AHNAK2: variants seen among roughly 807,000 people sequenced by gnomAD.
AHNAK2 encodes AHNAK nucleoprotein 2, also known as protein AHNAK2.
A neutral mutation model predicts 30.7 loss-of-function variants in AHNAK2; 18 were observed. The observed-to-expected ratio is 0.59, with a 90% CI of 0.41 to 0.87. AHNAK2 has a LOEUF of 0.87. AHNAK2 is among the 40% of genes least tolerant of loss of function. The pLI is 0.00. For synonymous variants in AHNAK2, 3,590 were observed against 3,073.8 expected (o/e 1.17, Z -5.56); for missense variants, 8,604 against 7,373.0 (o/e 1.17, Z -6.11).
rs543484288 is a variant in AHNAK2, at chr14:104,952,039, C to G, written c.3412G>C (p.Ala1138Pro). The G allele has an allele frequency of 2.3e-5, 37 of 1,612,730 alleles. No homozygotes were observed. The South Asian group carries it at 4.1e-4, about 18-fold the overall frequency. ...TCCAGCCGCGCACTGTCCAGCTTGG[C>G]TCCCGGGGCCTCGACGTCCACCTCC... ...SVEVDVEAPG[A>P]KLDSARLEGE... is the part of the protein sequence containing the mutation. The change falls in exon 7 of 7, where the codon GCC (alanine) becomes CCC (proline). Residue 1138 changes from alanine to proline, a missense_variant. By Grantham distance (27) the Ala-to-Pro change is conservative. Transcript: ENST00000333244.
rs757932551 is a variant in AHNAK2, at chr14:104,951,082, G to C, written c.4369C>G (p.Pro1457Ala). 1.9e-6 allele frequency: 2 copies of C among 1,063,172 alleles called. 1 individual carries two copies. The highest frequency in any genetic ancestry group is 3.2e-5 in the South Asian group (2 of 62,280). The allele number at this position is 1,063,172 out of a possible 1,614,324, so 65.9% of individuals were successfully genotyped here. The change falls in exon 7 of 7, where the codon CCC becomes GCC. Residue 1457 changes from proline (P) to alanine (A), a missense_variant. Pro to Ala is a conservative substitution (Grantham distance 27). Coordinates refer to ENST00000333244, the MANE Select transcript of AHNAK2 (RefSeq NM_138420.4). Reference sequence around the variant, plus strand: ...GCCTCGACATCCACCTCCACGCTGGGCAGAGAAACCTCCACATCAGGGGCT... The same window carrying C: ...GCCTCGACATCCACCTCCACGCTGGCCAGAGAAACCTCCACATCAGGGGCT... ...VTAPDVEVSL[P>A]SVEVDVEAPG... is the part of the protein sequence containing the mutation.
intron 1 of AHNAK2, among the ~76,000 whole-genome samples, chr14:104,969,809 G>A (rs1036415548): frequency 6.6e-6 from 1 of 152,156 alleles, no homozygotes; most frequent in African/African-American, 2.4e-5. Context: ...CATCCCAGGC[G>A]GGCTAGCCTG....
Position 104,949,984 on chromosome 14 carries a change from A to T in AHNAK2, c.5467T>A (p.Phe1823Ile). 2 of 1,587,358 alleles carry T rather than the reference A, an allele frequency of 1.3e-6. No individual in the cohort carries two copies. ...GGCATCTTGAACTTGGGCATTTTGA[A>T]CTTGCTGTCTTTGGCAGTCACATCC... ...DKDVTAKDSK[F>I]KMPKFKMPSF... Residue 1823 changes from phenylalanine to isoleucine, a missense_variant, in exon 7 of 7, where the codon TTC becomes ATC. Transcript: ENST00000333244.
chr14:104,955,164 C>T, intron 5 of AHNAK2, 23 bp from the exon 6 acceptor site: 1 of 1,588,386 alleles, frequency 6.3e-7, no homozygotes, highest in East Asian at 2.2e-5. Context: ...AGAGCAGCCC[C>T]AGGGCCGGGT....
Position 104,942,086 on chromosome 14 carries a change from G to A in AHNAK2, c.13365C>T (p.Asp4455=), listed in dbSNP as rs763624272. Residue 4455 remains aspartate (D), a synonymous_variant, in exon 7 of 7, where the codon GAC becomes GAT. Transcript: ENST00000333244. ...LEGDLSLADK[D]VTAKDSKFKM... Reference sequence around the variant, plus strand: ...TGAACTTGCTGTCTTTGGCAGTCACGTCCTTGTCAGCCAGGGACAGGTCCC... The same window carrying A: ...TGAACTTGCTGTCTTTGGCAGTCACATCCTTGTCAGCCAGGGACAGGTCCC... The A allele has an allele frequency of 1.1e-4, 183 of 1,608,866 alleles. No individual in the cohort carries two copies. Among genetic ancestry groups the A allele is most frequent in the Middle Eastern group, 3.3e-4 (2 of 6,038 alleles).
At position 104,950,996 on chromosome 14, in the gene AHNAK2, G is replaced by C. The variant is rs78572443; in HGVS notation, c.4455C>G (p.Asp1485Glu). The C allele has an allele frequency of 2.0e-4, 217 of 1,061,894 alleles. 24 individuals carry two copies. In the African/African-American group the frequency reaches 2.6e-3, roughly 13 times the overall value. The allele number at this position is 1,061,894 out of a possible 1,614,324, so 65.8% of individuals were successfully genotyped here. A position where few individuals can be genotyped will look rare whatever the true frequency, so the allele number is the denominator to read the frequency against. The change falls in exon 7 of 7, where the codon GAC (aspartate) becomes GAG (glutamate). Residue 1485 changes from aspartate to glutamate, a missense_variant. Transcript: ENST00000333244. ...TGAACTTGCTGTCTTTGGTAGTCAA[G>C]TCCTTGTCGGCCAGGGACATGTCCT... ...LEEDMSLADK[D>E]LTTKDSKFKM...
In AHNAK2 at chr14:104,940,412, C is replaced by T; in HGVS notation, c.15039G>A (p.Lys5013=). 6.2e-7 allele frequency: 1 copy of T among 1,613,892 alleles called. No individual in the cohort carries two copies. Among genetic ancestry groups the T allele is most frequent in the African/African-American group, 1.3e-5 (1 of 75,042 alleles). Residue 5013 remains lysine, a synonymous_variant, in exon 7 of 7, where the codon AAG becomes AAA. Coordinates refer to ENST00000333244, the MANE Select transcript of AHNAK2 (RefSeq NM_138420.4). This position sits in a 1 kb window ranked among gnomAD's most constrained non-coding sequence, Gnocchi z 4.4. The part of the protein sequence containing the change: ...MDLPPERDGE[K]GRSTKPGFAM... The stretch of plus-strand genomic sequence containing the variant: ...CAAAGCCAGGCTTTGTGCTCCTCCC[C>T]TTCTCTCCATCCCTCTCAGGAGGCA...
At chr14:104,977,315 C>T (rs568638045) in intron 1 of AHNAK2, among the ~76,000 whole-genome samples, 28 of 152,306 alleles carry the variant, frequency 1.8e-4, no homozygotes, top group African/African-American at 6.7e-4. Context: ...ACTGCCCTGC[C>T]CCCCTCAGCC....
intron 5 of AHNAK2, 76 bp from the exon 6 acceptor site, chr14:104,955,217 G>A: frequency 2.0e-6 from 3 of 1,496,468 alleles, no homozygotes; most frequent in Non-Finnish European, 2.7e-6. Flanking sequence ...TGGCTGGCGA[G>A]GAGGGTCCCG....
At position 104,943,916 on chromosome 14, in the gene AHNAK2, G is replaced by T; in HGVS notation, c.11535C>A (p.Asp3845Glu). ...ADVSLPSMQG[D>E]LKTTDLSIQP... is the part of the protein sequence containing the mutation. Reference sequence around the variant, plus strand: ...GAATGCTGAGGTCAGTGGTCTTGAGGTCCCCCTGCATGGAGGGGAGACTCA... The same window carrying T: ...GAATGCTGAGGTCAGTGGTCTTGAGTTCCCCCTGCATGGAGGGGAGACTCA... The change falls in exon 7 of 7, where the codon GAC becomes GAA. Residue 3845 changes from aspartate to glutamate, a missense_variant. Physicochemically the swap from Asp to Glu is conservative, Grantham distance 45. Coordinates refer to ENST00000333244, the MANE Select transcript of AHNAK2 (RefSeq NM_138420.4). 6.2e-7 allele frequency: 1 copy of T among 1,613,092 alleles called. No individual in the cohort carries two copies. The highest frequency in any genetic ancestry group is 8.5e-7 in the Non-Finnish European group (1 of 1,179,584).
Position 104,941,435 on chromosome 14 carries a change from A to G in AHNAK2, c.14016T>C (p.Val4672=), listed in dbSNP as rs1185818655. The change falls in exon 7 of 7, where the codon GTT becomes GTC. Residue 4672 remains valine (V), a synonymous_variant. Transcript: ENST00000333244. ...ATGGATCATGAAGATCACCTTCATG[A>G]ACAACAGATTCCACAATGGGAAATG... ...TSTFPIVESV[V]HEGDLHDPSR... 6.2e-7 allele frequency: 1 copy of G among 1,612,924 alleles called. No homozygotes were observed.
In AHNAK2 at chr14:104,946,796, G is replaced by C. The variant is rs190699492; in HGVS notation, c.8655C>G (p.His2885Gln). ...CTTTGAGGCCGGCTCCCTCGGGAAC[G>C]TGGCCCTCTGGGAGTTTCACGTCCA... ...GQVDVKLPEG[H>Q]VPEGAGLKGH... The change falls in exon 7 of 7, where the codon CAC becomes CAG. Residue 2885 changes from histidine (H) to glutamine (Q), a missense_variant. Transcript: ENST00000333244. 5.6e-5 allele frequency: 90 copies of C among 1,612,564 alleles called. No individual in the cohort carries two copies. The highest frequency in any genetic ancestry group is 7.4e-5 in the Non-Finnish European group (87 of 1,179,620).
At position 104,948,183 on chromosome 14, in the gene AHNAK2, A is replaced by C; in HGVS notation, c.7268T>G (p.Val2423Gly). The C allele has an allele frequency of 6.2e-7, 1 of 1,612,312 alleles. No homozygotes were observed. The highest frequency in any genetic ancestry group is 8.5e-7 in the Non-Finnish European group (1 of 1,179,486). ...KVDLKGPQIDVKGPKLDLKGP... is the reference protein window; with the variant it reads ...KVDLKGPQIDGKGPKLDLKGP... ...TTTCAGGTCCAGCTTGGGGCCCTTGACATCTATCTGGGGGCCCTTGAGATC... is the reference window on the plus strand; with the variant it reads ...TTTCAGGTCCAGCTTGGGGCCCTTGCCATCTATCTGGGGGCCCTTGAGATC... The change falls in exon 7 of 7, where the codon GTC (valine) becomes GGC (glycine). Residue 2423 changes from valine (V) to glycine (G), a missense_variant. Transcript: ENST00000333244.
rs1170129015 is a variant in AHNAK2 at position 104,945,069 on chromosome 14, A to C, written c.10382T>G (p.Leu3461Arg). The change falls in exon 7 of 7, where the codon CTG (leucine) becomes CGG (arginine). Residue 3461 changes from leucine to arginine, a missense_variant. By Grantham distance (102) the Leu-to-Arg change is moderately radical. Transcript: ENST00000333244. The part of the protein sequence containing the change: ...DGARLEGDLS[L>R]AEKDVTAKDS... The stretch of plus-strand genomic sequence containing the variant: ...TTTGGCAGTCACATCCTTTTCAGCC[A>C]GGGACAGGTCCCCCTCCAGCCGCGC... 6.2e-7 allele frequency: 1 copy of C among 1,612,964 alleles called. No homozygotes were observed. Among genetic ancestry groups the C allele is most frequent in the Non-Finnish European group, 8.5e-7 (1 of 1,179,640 alleles).
At chr14:104,975,037 G>A (rs989684579) in intron 1 of AHNAK2, among the ~76,000 whole-genome samples, 1 of 152,254 alleles carries the variant, frequency 6.6e-6, no homozygotes, top group Admixed American at 6.5e-5. Flanking sequence ...AGTGGGCCCA[G>A]CAACCCAGGG....
chr14:104,956,526 C>T, intron 4 of AHNAK2, 62 bp downstream of exon 4: 1 of 1,565,252 alleles, frequency 6.4e-7, no homozygotes, highest in East Asian at 2.2e-5. Flanking sequence ...ACCTCGGACT[C>T]TCTGGCTGGA....
chr14:104,959,171 CA>C (rs869062275), intron 1 of AHNAK2, among the ~76,000 whole-genome samples: 3 of 151,586 alleles, frequency 2.0e-5, no homozygotes, highest in Non-Finnish European at 4.4e-5. Flanking sequence ...CTCATCTCTA[CA>C]AAAAAAAATT....
intron 1 of AHNAK2, among the ~76,000 whole-genome samples, chr14:104,973,204 G>A (rs1056522714): frequency 5.9e-5 from 9 of 152,212 alleles, no homozygotes; most frequent in African/African-American, 1.7e-4. Context: ...TAGGCCATCC[G>A]GCATGTCCCG....
chr14:104,942,122 C>T lies in AHNAK2; in HGVS notation c.13329G>A (p.Thr4443=), dbSNP rs769915309. 2.4e-5 allele frequency: 38 copies of T among 1,613,332 alleles called. No homozygotes were observed. Among genetic ancestry groups the T allele is most frequent in the Middle Eastern group, 3.3e-4 (2 of 6,060 alleles). ...IQAPGAKLDS[T]RLEGDLSLAD... is the part of the protein sequence containing the mutation. ...CCAGGGACAGGTCCCCCTCCAGCCG[C>T]GTACTGTCCAGCTTGGCTCCTGGGG... Residue 4443 remains threonine, a synonymous_variant, in exon 7 of 7, where the codon ACG becomes ACA. Transcript: ENST00000333244.
Sources: allele counts gnomAD v4.1 joint callset (sites outside exome capture counted in the v4.1 genomes callset), GRCh38; gene constraint gnomAD v4.1.1; non-coding constraint Gnocchi (gnomAD v3.1); transcripts MANE v1.5; gene names NCBI Gene and HGNC (gene_info 2026-07-23, HGNC 2026-07-21).